UBOX5: variants seen among roughly 807,000 people sequenced by gnomAD.
UBOX5 encodes the protein RING finger protein 37.
In UBOX5, 28 loss-of-function variants were observed where a neutral mutation model predicts 39.0. That is an observed-to-expected ratio of 0.72 (90% CI 0.53 to 0.98). The LOEUF (loss-of-function observed/expected upper bound fraction) is 0.98, where lower values mean the gene tolerates loss of function less well. UBOX5 is among the 50% of genes least tolerant of loss of function. The pLI is 0.00. For synonymous variants in UBOX5, 283 were observed against 275.5 expected, an observed-to-expected ratio of 1.03 and a Z score of -0.27; for missense variants, 585 against 674.4, an observed-to-expected ratio of 0.87 and a Z score of 1.47.
chr20:3,148,770 C>T (rs141315308), intron 1 of UBOX5: 616 of 1,614,132 alleles, frequency 3.8e-4, no homozygotes, highest in Non-Finnish European at 4.9e-4. Flanking sequence ...TCTTCATCAA[C>T]TCCTGTGGCC....
chr20:3,113,675 G>T (rs1212017077), intron 4 of UBOX5, among the ~76,000 whole-genome samples: 1 of 152,144 alleles, frequency 6.6e-6, no homozygotes, highest in Non-Finnish European at 1.5e-5. Context: ...TGAACAGAAT[G>T]TCAGGATGGG....
At chr20:3,134,160 GATAAT>G (rs1294293109) in intron 1 of UBOX5, among the ~76,000 whole-genome samples, 4 of 151,930 alleles carry the variant, frequency 2.6e-5, no homozygotes, top group Non-Finnish European at 4.4e-5. Flanking sequence ...ATACCTTAAT[GATAAT>G]ATATTATGTG....
At chr20:3,124,190 C>A (rs527685214) in intron 1 of UBOX5, among the ~76,000 whole-genome samples, 1 of 151,972 alleles carries the variant, frequency 6.6e-6, no homozygotes, top group South Asian at 2.1e-4. Flanking sequence ...CAGAGTGAGA[C>A]CCTGTCTCAA....
rs368770076 is a variant in UBOX5, at chr20:3,113,288, ACT to A, written c.1417+2015_1417+2016del. 9.8e-3 allele frequency among the ~76,000 whole-genome samples: 1,364 copies of A among 139,044 alleles called. 31 individuals are homozygous for A. The highest frequency in any genetic ancestry group is 0.037 in the African/African-American group (1,308 of 35,572). The allele number at this position is 139,044 out of a possible 152,430, so 91.2% of individuals were successfully genotyped here. ...GGGCAACAGAGCGAAACAGAGCAAG[ACT>A]CTGTCTCAAAAAAAAAAAAAAAAAA... On this transcript the variant is annotated intron_variant, in intron 4 of 4. Transcript: ENST00000217173.
chr20:3,147,562 C>G lies in UBOX5; in HGVS notation c.-42+12204G>C, dbSNP rs6107247. The G allele has an allele frequency of 3.1e-6, 5 of 1,614,166 alleles. No individual in the cohort carries two copies. The Admixed American group carries it at 6.7e-5, about 22-fold the overall frequency. On this transcript the variant is annotated intron_variant, in intron 1 of 4. Transcript: ENST00000217173. The stretch of plus-strand genomic sequence containing the variant: ...TAAGGAGGTCAAACTTAGTTCTCTC[C>G]TGAGCTAACCTGACAAACCCTGGAC...
intron 1 of UBOX5, chr20:3,148,321 G>T: frequency 6.2e-7 from 1 of 1,613,960 alleles, no homozygotes; most frequent in Middle Eastern, 1.6e-4. Context: ...AGTACCTCCA[G>T]AGATCAGCCA....
chr20:3,129,764 TTCAATA>T (rs2148602897), intron 1 of UBOX5, among the ~76,000 whole-genome samples: 1 of 152,360 alleles, frequency 6.6e-6, no homozygotes, highest in South Asian at 2.1e-4. Flanking sequence ...TCGCAAGCAA[TTCAATA>T]TTTTATGGTA....
At chr20:3,147,689 T>C in intron 1 of UBOX5, 1 of 1,614,232 alleles carries the variant, frequency 6.2e-7, no homozygotes, top group Non-Finnish European at 8.5e-7. Context: ...TTCAGGCATC[T>C]TTCTGTGAAT....
At position 3,146,028 on chromosome 20, in the gene UBOX5, C is replaced by T. The variant is rs2066558625; in HGVS notation, c.-42+13738G>A. Reference sequence around the variant, plus strand: ...GCCATTGCTCTCCAACCTGGGCAACCGAGGGAGACTCCGTCTCAAAAAAAA... The same window carrying T: ...GCCATTGCTCTCCAACCTGGGCAACTGAGGGAGACTCCGTCTCAAAAAAAA... On this transcript the variant is annotated intron_variant, in intron 1 of 4. Transcript: ENST00000217173. Among the ~76,000 whole-genome samples the T allele has an allele frequency of 6.2e-5, 9 of 145,496 alleles. No individual in the cohort carries two copies. The South Asian group carries it at 1.7e-3, about 28-fold the overall frequency.
intron 4 of UBOX5, among the ~76,000 whole-genome samples, chr20:3,115,056 A>G (rs988320758): frequency 2.0e-5 from 3 of 152,360 alleles, no homozygotes; most frequent in African/African-American, 4.8e-5. Context: ...GCCAAGCCCT[A>G]CATCCACAGA....
chr20:3,132,502 TTAATAA>T (rs1013239252), intron 1 of UBOX5, among the ~76,000 whole-genome samples: 5 of 151,860 alleles, frequency 3.3e-5, no homozygotes, highest in African/African-American at 9.7e-5. Flanking sequence ...ATAAGGTGTA[TTAATAA>T]TAATAATAAC....
intron 3 of UBOX5, 22 bp downstream of exon 3, chr20:3,121,362 C>T (rs746475433): frequency 8.8e-6 from 14 of 1,586,496 alleles, no homozygotes; most frequent in African/African-American, 5.4e-5. Flanking sequence ...AGCCTGGCTG[C>T]GGACACAGGA....
intron 1 of UBOX5, among the ~76,000 whole-genome samples, chr20:3,133,755 T>G (rs971232270): frequency 8.2e-6 from 1 of 121,838 alleles, no homozygotes; most frequent in South Asian, 2.3e-4. Flanking sequence ...CTTATTTTTT[T>G]TGGGGGGGGG....
intron 4 of UBOX5, among the ~76,000 whole-genome samples, chr20:3,112,924 C>A (rs1396402051): frequency 6.6e-6 from 1 of 151,816 alleles, no homozygotes; most frequent in African/African-American, 2.4e-5. Flanking sequence ...CAGGATTGTG[C>A]CACTGCACTC....
intron 1 of UBOX5, among the ~76,000 whole-genome samples, chr20:3,155,133 C>A (rs191518608): frequency 6.6e-6 from 1 of 151,660 alleles, no homozygotes; most frequent in Non-Finnish European, 1.5e-5. Context: ...GTGGCTCACA[C>A]CTGTAATCCC....
intron 1 of UBOX5, among the ~76,000 whole-genome samples, chr20:3,130,055 T>C (rs1315485472): frequency 2.6e-5 from 4 of 151,956 alleles, no homozygotes; most frequent in Non-Finnish European, 4.4e-5. Flanking sequence ...CAAAGTGAGA[T>C]GCCATCTCTA....
chr20:3,118,727 G>A (rs1016948021), intron 3 of UBOX5, among the ~76,000 whole-genome samples: 3 of 151,690 alleles, frequency 2.0e-5, no homozygotes, highest in African/African-American at 7.3e-5. Context: ...AGCCAAGATC[G>A]CGCCACTGCA....
intron 4 of UBOX5, 151 bp downstream of exon 4, chr20:3,115,154 G>A: frequency 1.0e-6 from 1 of 992,668 alleles, no homozygotes; most frequent in South Asian, 2.1e-5. Flanking sequence ...AAAGGCAAGA[G>A]AACAGGTTCT....
intron 1 of UBOX5, chr20:3,148,815 A>T: frequency 6.2e-7 from 1 of 1,614,228 alleles, no homozygotes; most frequent in East Asian, 2.2e-5. Flanking sequence ...CTGGCCTTAG[A>T]GGAAGAAGTC....
Sources: gnomAD v4.1 joint callset for allele counts (sites outside exome capture counted in the v4.1 genomes callset) on GRCh38, gnomAD v4.1.1 for gene constraint, MANE v1.5 for transcripts, NCBI Gene and HGNC (gene_info 2026-07-23, HGNC 2026-07-21) for gene names.